Variants in CYP7B1 observed in about 807,000 individuals in gnomAD.
CYP7B1 encodes the protein cytochrome P450 7B1.
In CYP7B1, 29 loss-of-function variants were observed where a neutral mutation model predicts 42.7. The observed-to-expected ratio is 0.68, with a 90% CI of 0.51 to 0.93. The LOEUF (loss-of-function observed/expected upper bound fraction) is 0.93, where lower values mean the gene tolerates loss of function less well. CYP7B1 is among the 40% of genes least tolerant of loss of function. The probability of loss-of-function intolerance (pLI) is 0.00; values close to 1 mark genes in which losing one functional copy is unlikely to be tolerated. For missense variants in CYP7B1, 655 were observed against 600.5 expected (o/e 1.09, Z -0.95); for synonymous variants, 235 against 218.2 (o/e 1.08, Z -0.68).
intron 1 of CYP7B1, among the ~76,000 whole-genome samples, chr8:64,721,511 T>C (rs1807235868): frequency 6.6e-6 from 1 of 152,160 alleles, no homozygotes; most frequent in African/African-American, 2.4e-5. Context: ...CTAAAATAGG[T>C]CTGTCGCACT....
At chr8:64,698,539 T>G (rs1806866367) in intron 1 of CYP7B1, among the ~76,000 whole-genome samples, 1 of 152,168 alleles carries the variant, frequency 6.6e-6, no homozygotes, top group Admixed American at 6.5e-5. Flanking sequence ...CACTCAACTT[T>G]TAACAGCTGT....
intron 1 of CYP7B1, among the ~76,000 whole-genome samples, chr8:64,730,704 G>C (rs1391287214): frequency 6.7e-6 from 1 of 150,112 alleles, no homozygotes. Flanking sequence ...CTAAACCATG[G>C]TTACTAAATT....
At chr8:64,791,215 C>T (rs1356418140) in intron 1 of CYP7B1, among the ~76,000 whole-genome samples, 3 of 152,144 alleles carry the variant, frequency 2.0e-5, no homozygotes, top group Non-Finnish European at 4.4e-5. Context: ...TTTGTTAGAG[C>T]AGCCCTAACA....
chr8:64,595,030 T>C lies in CYP7B1; in HGVS notation c.*1612A>G, dbSNP rs911569860. 3.3e-5 allele frequency among the ~76,000 whole-genome samples: 5 copies of C among 152,222 alleles called. No individual in the cohort carries two copies. Among genetic ancestry groups the C allele is most frequent in the African/African-American group, 4.8e-5 (2 of 41,462 alleles). ...TCAGAGAGAAGAGACAGACTACCTA[T>C]TGAGTAATTAAACTCACTAACGGCT... On this transcript the variant is annotated 3_prime_UTR_variant, in exon 6 of 6. Transcript: ENST00000310193.
intron 5 of CYP7B1, among the ~76,000 whole-genome samples, chr8:64,601,923 T>C (rs911794739): frequency 3.3e-5 from 5 of 152,238 alleles, no homozygotes; most frequent in Admixed American, 3.3e-4. Context: ...GCTATATTTA[T>C]ACACAAATCA....
chr8:64,741,617 C>G (rs114468745), intron 1 of CYP7B1, among the ~76,000 whole-genome samples: 1 of 152,040 alleles, frequency 6.6e-6, no homozygotes, highest in Non-Finnish European at 1.5e-5. Flanking sequence ...CGTGCCCAGC[C>G]CCCAAAAATT....
intron 1 of CYP7B1, among the ~76,000 whole-genome samples, chr8:64,675,431 C>T (rs1247622687): frequency 6.6e-6 from 1 of 150,704 alleles, no homozygotes; most frequent in Admixed American, 6.6e-5. Context: ...ATACACATTT[C>T]AGTTCATGCA....
At position 64,685,860 on chromosome 8, in the gene CYP7B1, A is replaced by G. The variant is rs868029738; in HGVS notation, c.123-61321T>C. On this transcript the variant is annotated intron_variant, in intron 1 of 5. Coordinates refer to ENST00000310193, the MANE Select transcript of CYP7B1 (RefSeq NM_004820.5). ...GCTCCCCCGCCCGGCCAGCCGTGCC[A>G]TCCGGGAGGGAGGTGGGGGGGTCAG... 6.9e-3 allele frequency among the ~76,000 whole-genome samples: 218 copies of G among 31,474 alleles called. 10 individuals are homozygous for G. Among genetic ancestry groups the G allele is most frequent in the African/African-American group, 0.027 (192 of 7,030 alleles). 20.6% of individuals were successfully genotyped at this position (31,474 alleles called of 152,430 possible). A position where few individuals can be genotyped will look rare whatever the true frequency, so the allele number is the denominator to read the frequency against.
In CYP7B1 at chr8:64,604,679, T is replaced by C. The variant is rs901281012; in HGVS notation, c.1233+3A>G. ...AGCAATCATAGGCTTGATGTTTACT[T>C]ACCTCTGGAGCTTCAAAGATTTCAG... On this transcript the variant is annotated splice_donor_region_variant and intron_variant, in intron 5 of 5. Coordinates refer to ENST00000310193, the MANE Select transcript of CYP7B1 (RefSeq NM_004820.5). The C allele has an allele frequency of 1.9e-6, 3 of 1,613,968 alleles. No homozygotes were observed. In the African/African-American group the frequency reaches 4.0e-5, roughly 22 times the overall value.
intron 1 of CYP7B1, among the ~76,000 whole-genome samples, chr8:64,630,242 G>T (rs889368123): frequency 6.6e-6 from 1 of 152,198 alleles, no homozygotes; most frequent in Non-Finnish European, 1.5e-5. Flanking sequence ...GTCACTGGAA[G>T]TCTTCAGTGT....
At chr8:64,735,406 G>A (rs912615738) in intron 1 of CYP7B1, among the ~76,000 whole-genome samples, 1 of 152,108 alleles carries the variant, frequency 6.6e-6, no homozygotes, top group African/African-American at 2.4e-5. Flanking sequence ...CTCTGTACCA[G>A]GAAGAGAAGG....
At chr8:64,603,826 G>A (rs1036271554) in intron 5 of CYP7B1, among the ~76,000 whole-genome samples, 12 of 152,108 alleles carry the variant, frequency 7.9e-5, no homozygotes, top group East Asian at 5.8e-4. Context: ...CAACAATATC[G>A]TAATCCAGCC....
At chr8:64,794,168 T>A (rs1239571686) in intron 1 of CYP7B1, among the ~76,000 whole-genome samples, 3 of 152,142 alleles carry the variant, frequency 2.0e-5, no homozygotes. Flanking sequence ...GCTACTGAAG[T>A]GGCTGGCAAT....
chr8:64,631,268 C>T (rs1805691371), intron 1 of CYP7B1, among the ~76,000 whole-genome samples: 3 of 152,044 alleles, frequency 2.0e-5, no homozygotes, highest in Non-Finnish European at 4.4e-5. Context: ...GCCAGGTATG[C>T]AAGGCTGGTT....
In CYP7B1 at chr8:64,798,513, G is replaced by T. The variant is rs536629832; in HGVS notation, c.75C>A (p.Ala25=). 9.9e-4 allele frequency: 1,489 copies of T among 1,507,438 alleles called. 31 individuals are homozygous for T. In the South Asian group the frequency reaches 0.017, roughly 17 times the overall value. The allele number at this position is 1,507,438 out of a possible 1,614,324, so 93.4% of individuals were successfully genotyped here. A position where few individuals can be genotyped will look rare whatever the true frequency, so the allele number is the denominator to read the frequency against. Residue 25 remains alanine, a synonymous_variant, in exon 1 of 6, where the codon GCC becomes GCA. Transcript: ENST00000310193. The part of the protein sequence containing the change: ...ERLGLPGLAL[A]AALLLLALCL... ...AGAGGGCCAGGAGCAGCAGGGCCGCGGCGAGGGCCAGGCCCGGGAGGCCCA... is the reference window on the plus strand; with the variant it reads ...AGAGGGCCAGGAGCAGCAGGGCCGCTGCGAGGGCCAGGCCCGGGAGGCCCA...
rs1585792351 is a variant in CYP7B1 at position 64,591,497 on chromosome 8, G to A, written c.*5145C>T. 1.3e-5 allele frequency among the ~76,000 whole-genome samples: 2 copies of A among 152,146 alleles called. No individual in the cohort carries two copies. The highest frequency in any genetic ancestry group is 2.4e-5 in the African/African-American group (1 of 41,418). On this transcript the variant is annotated 3_prime_UTR_variant, in exon 6 of 6. Coordinates refer to ENST00000310193, the MANE Select transcript of CYP7B1 (RefSeq NM_004820.5). ...TACTAGGATCAAACACTAGATAAAT[G>A]TTGTGCTTTGGTCTTTGAACAGTTT...
chr8:64,731,768 A>G (rs1807413272), intron 1 of CYP7B1, among the ~76,000 whole-genome samples: 1 of 152,170 alleles, frequency 6.6e-6, no homozygotes, highest in Non-Finnish European at 1.5e-5. Flanking sequence ...ATTTGGTGAC[A>G]TGGTGTCCTT....
At chr8:64,689,814 C>G (rs920098716) in intron 1 of CYP7B1, among the ~76,000 whole-genome samples, 1 of 152,114 alleles carries the variant, frequency 6.6e-6, no homozygotes, top group African/African-American at 2.4e-5. Flanking sequence ...ATGATCCACC[C>G]GCCTCATCCT....
At position 64,624,335 on chromosome 8, in the gene CYP7B1, C is replaced by T. The variant is rs1171216667; in HGVS notation, c.259+68G>A. On this transcript the variant is annotated intron_variant, in intron 2 of 5. Coordinates refer to ENST00000310193, the MANE Select transcript of CYP7B1 (RefSeq NM_004820.5). ...ATTCTACATTTTGCCTAGAGAAAAACAGAAAGACATTAAAGAACAAGTGAA... is the reference window on the plus strand; with the variant it reads ...ATTCTACATTTTGCCTAGAGAAAAATAGAAAGACATTAAAGAACAAGTGAA... 26 of 1,452,880 alleles carry T rather than the reference C, an allele frequency of 1.8e-5. 1 individual carries two copies. The highest frequency in any genetic ancestry group is 2.9e-5 in the African/African-American group (2 of 70,130). 90.0% of individuals were successfully genotyped at this position (1,452,880 alleles called of 1,614,324 possible). A position where few individuals can be genotyped will look rare whatever the true frequency, so the allele number is the denominator to read the frequency against.
Sources: gnomAD v4.1 joint callset for allele counts (sites outside exome capture counted in the v4.1 genomes callset) on GRCh38, gnomAD v4.1.1 for gene constraint, MANE v1.5 for transcripts, NCBI Gene and HGNC (gene_info 2026-07-23, HGNC 2026-07-21) for gene names.